Variants in SYN1 observed in about 807,000 individuals in gnomAD.
SYN1 encodes synapsin-1.
Under a neutral mutation model 44.6 loss-of-function variants are expected in SYN1, and 8 were observed. The observed-to-expected ratio is 0.18, with a 90% CI of 0.11 to 0.32. The LOEUF (loss-of-function observed/expected upper bound fraction) is 0.32. Ranked by LOEUF, SYN1 falls within the 10% of genes least tolerant of loss-of-function variation. The pLI is 1.00. For missense variants in SYN1, 451 were observed against 639.4 expected (o/e 0.71, Z 3.18); for synonymous variants, 275 against 280.1 (o/e 0.98, Z 0.18).
chrX:47,573,564 T>C (rs2057766664), intron 12 of SYN1, among the ~76,000 whole-genome samples: 1 of 108,378 alleles, frequency 9.2e-6, no homozygotes, highest in African/African-American at 3.4e-5. Context: ...GGAGGAAAAG[T>C]ATGAGGATGG....
At chrX:47,581,045 T>C (rs2057796581) in intron 5 of SYN1, among the ~76,000 whole-genome samples, 1 of 111,813 alleles carries the variant, frequency 8.9e-6, no homozygotes. Flanking sequence ...GTGTACATTG[T>C]ACCCATTAGG....
chrX:47,589,595 C>CAA (rs779225789), intron 5 of SYN1, among the ~76,000 whole-genome samples: 10 of 29,797 alleles, frequency 3.4e-4, no homozygotes, highest in African/African-American at 7.4e-4. Flanking sequence ...GACTCCGTCT[C>CAA]AAAAAAAAAA....
chrX:47,589,294 CA>C (rs147024653), intron 5 of SYN1, among the ~76,000 whole-genome samples: 12,747 of 59,762 alleles, frequency 0.21, 1,350 homozygotes, highest in African/African-American at 0.39. Context: ...AAGACTGTCT[CA>C]AAAAAAAAAA....
At chrX:47,573,900 T>C (rs1481837794) in intron 12 of SYN1, 102 bp downstream of exon 12, 1 of 789,593 alleles carries the variant, frequency 1.3e-6, no homozygotes, top group African/African-American at 2.2e-5. Context: ...GACCCCTGCA[T>C]AGGACCTGGG....
Position 47,574,277 on chromosome X carries a change from G to A in SYN1, c.1707C>T (p.Val569=), listed in dbSNP as rs1033238239. 9.1e-7 allele frequency: 1 copy of A among 1,104,299 alleles called. No homozygotes were observed. Among genetic ancestry groups the A allele is most frequent in the African/African-American group, 1.9e-5 (1 of 52,206 alleles). The allele number at this position is 1,104,299 out of a possible 1,213,427, so 91.0% of individuals were successfully genotyped here. A position where few individuals can be genotyped will look rare whatever the true frequency, so the allele number is the denominator to read the frequency against. Residue 569 remains valine, a synonymous_variant, in exon 12 of 13, where the codon GTC becomes GTT. Transcript: ENST00000295987. The part of the protein sequence containing the change: ...GPPQATRQTS[V]SGPAPPKASG... ...AGGCCTTTGGCGGAGCCGGGCCAGA[G>A]ACGGATGTCTGACGGGTAGCCTGTG... is the stretch of plus-strand genomic sequence containing the variant.
In SYN1 at chrX:47,574,716, G is replaced by C; in HGVS notation, c.1365C>G (p.Pro455=). Residue 455 remains proline, a synonymous_variant, in exon 11 of 13, where the codon CCC becomes CCG. Transcript: ENST00000295987. The part of the protein sequence containing the change: ...GRQTSQQPAG[P]PAQQRPPPQG... ...GTGGTGGGGGTCGCTGCTGAGCCGG[G>C]GGCCCTGCGGGCTGCTGGGAGGTCT... The C allele has an allele frequency of 8.4e-7, 1 of 1,185,708 alleles. No homozygotes were observed.
At chrX:47,585,529 G>A (rs764612457) in intron 5 of SYN1, 38 of 1,198,558 alleles carry the variant, frequency 3.2e-5, no homozygotes, top group East Asian at 6.0e-5. Context: ...TCCCCGCCCC[G>A]CCTTTCTCCT....
chrX:47,617,486 C>T (rs745974242), intron 1 of SYN1, among the ~76,000 whole-genome samples: 1 of 111,029 alleles, frequency 9.0e-6, no homozygotes, highest in East Asian at 2.8e-4. Flanking sequence ...GTAAGTGTTA[C>T]TTAAATAGAC....
chrX:47,596,454 C>T (rs945605885), intron 5 of SYN1, among the ~76,000 whole-genome samples: 4 of 112,335 alleles, frequency 3.6e-5, no homozygotes, highest in African/African-American at 1.3e-4. Context: ...TCTGGCTGAC[C>T]TCAAAACTCT....
chrX:47,615,058 A>G (rs1284043574), intron 1 of SYN1, among the ~76,000 whole-genome samples: 4 of 111,615 alleles, frequency 3.6e-5, no homozygotes, highest in African/African-American at 1.3e-4. Context: ...AGGGAAATAT[A>G]TCTGAGAAAA....
Position 47,619,733 on chromosome X carries a change from G to A in SYN1, c.-5C>T. ...GCGGCGCCGCAGGTAGTTCATGGCT[G>A]CGACTTGGGGCAGGGGGTCCTAGGG... On this transcript the variant is annotated 5_prime_UTR_variant, in exon 1 of 13. Transcript: ENST00000295987. 8.6e-7 allele frequency: 1 copy of A among 1,166,095 alleles called. No individual in the cohort carries two copies. Among genetic ancestry groups the A allele is most frequent in the East Asian group, 3.2e-5 (1 of 31,112 alleles).
chrX:47,606,751 A>ATATTTTT (rs1345170011), intron 3 of SYN1, among the ~76,000 whole-genome samples, 194 bp downstream of exon 3: 45 of 93,242 alleles, frequency 4.8e-4, no homozygotes, highest in African/African-American at 1.4e-3. Context: ...ATATATATAT[A>ATATTTTT]TTTTTTTTTA....
chrX:47,575,823 G>C (rs977606054), intron 9 of SYN1, among the ~76,000 whole-genome samples: 1 of 111,595 alleles, frequency 9.0e-6, no homozygotes, highest in Non-Finnish European at 1.9e-5. Context: ...AAAATGCTTT[G>C]CTGTCGGTCC....
intron 3 of SYN1, 107 bp from the exon 4 acceptor site, chrX:47,605,486 G>GGTGAGAAACCACTTTGCAA: frequency 1.0e-6 from 1 of 994,834 alleles, no homozygotes; most frequent in Non-Finnish European, 1.4e-6. Context: ...AAATTGCAAA[G>GGTGAGAAACCACTTTGCAA]TGGTTTCTCA....
intron 1 of SYN1, among the ~76,000 whole-genome samples, chrX:47,608,536 T>C (rs1304427602): frequency 4.6e-5 from 5 of 108,086 alleles, no homozygotes; most frequent in African/African-American, 1.7e-4. Context: ...TAAGGAGGAG[T>C]GGATTGAGTG....
intron 6 of SYN1, 32 bp from the exon 7 acceptor site, chrX:47,576,672 G>A (rs1330335907): frequency 8.3e-7 from 1 of 1,210,840 alleles, no homozygotes; most frequent in Non-Finnish European, 1.1e-6. Context: ...TCAGGGCCTG[G>A]TCAGGATAGG....
intron 5 of SYN1, among the ~76,000 whole-genome samples, chrX:47,578,823 A>C (rs930185281): frequency 9.0e-6 from 1 of 111,441 alleles, no homozygotes; most frequent in African/African-American, 3.3e-5. Context: ...CGACAGGCAC[A>C]GGAAGCCCGC....
intron 5 of SYN1, among the ~76,000 whole-genome samples, chrX:47,600,665 G>T: frequency 9.0e-6 from 1 of 111,586 alleles, no homozygotes. Flanking sequence ...AAATTGAAAA[G>T]GACTGAAATT....
intron 3 of SYN1, 34 bp from the exon 4 acceptor site, chrX:47,605,413 C>T: frequency 1.7e-6 from 2 of 1,204,714 alleles, no homozygotes; most frequent in Non-Finnish European, 1.1e-6. Flanking sequence ...TTGAGAGTTC[C>T]CCCAGAAGCT....
Sources: allele counts gnomAD v4.1 joint callset (sites outside exome capture counted in the v4.1 genomes callset), GRCh38; gene constraint gnomAD v4.1.1; transcripts MANE v1.5; gene names NCBI Gene and HGNC (gene_info 2026-07-23, HGNC 2026-07-21).